CLDN16: variants seen among roughly 807,000 people sequenced by gnomAD.
CLDN16 encodes the protein claudin-16.
In CLDN16, 13 loss-of-function variants were observed where a neutral mutation model predicts 24.6. The observed-to-expected ratio is 0.53, with a 90% CI of 0.34 to 0.84. The LOEUF (loss-of-function observed/expected upper bound fraction) is 0.84. Among genes scored for constraint, CLDN16 ranks in the 40% least tolerant of loss-of-function variants. CLDN16 has a pLI of 0.01. For missense variants in CLDN16, 298 were observed against 292.7 expected, an observed-to-expected ratio of 1.02 and a Z score of -0.13; for synonymous variants, 116 against 106.7, an observed-to-expected ratio of 1.09 and a Z score of -0.54.
intron 1 of CLDN16, among the ~76,000 whole-genome samples, chr3:190,323,491 T>C (rs1296238893): frequency 6.6e-6 from 1 of 152,220 alleles, no homozygotes; most frequent in African/African-American, 2.4e-5. Context: ...TCTTTGTAGT[T>C]AGTCAGAAGT....
At chr3:190,360,116 C>A (rs1294388955) in intron 1 of CLDN16, among the ~76,000 whole-genome samples, 1 of 151,764 alleles carries the variant, frequency 6.6e-6, no homozygotes, top group Non-Finnish European at 1.5e-5. Flanking sequence ...GCAAAGTAGG[C>A]AAGAAACAAA....
chr3:190,349,977 C>T (rs539423210), intron 1 of CLDN16, among the ~76,000 whole-genome samples: 5 of 152,174 alleles, frequency 3.3e-5, no homozygotes, highest in South Asian at 2.1e-4. Context: ...CATTGAATTT[C>T]GGGTGGTTTG....
chr3:190,299,270 G>A, the CLDN16 span, among the ~76,000 whole-genome samples: 1 of 151,754 alleles, frequency 6.6e-6, no homozygotes, highest in African/African-American at 2.4e-5. Flanking sequence ...CATGAATTTA[G>A]CTTTTTTTTC....
At position 190,402,390 on chromosome 3, in the gene CLDN16, T is replaced by A. The variant is rs1055737562; in HGVS notation, c.168T>A (p.Asp56Glu). 3.1e-6 allele frequency: 5 copies of A among 1,613,984 alleles called. No individual in the cohort carries two copies. The highest frequency in any genetic ancestry group is 4.2e-6 in the Non-Finnish European group (5 of 1,180,030). The change falls in exon 2 of 5, where the codon GAT becomes GAA. Residue 56 changes from aspartate to glutamate, a missense_variant. By Grantham distance (45) the Asp-to-Glu change is conservative (BLOSUM62 2). Transcript: ENST00000264734. ...GGGAATGCGTCACAAATGCTTTTGATGGGATTCGCACCTGTGATGAGTACG... is the reference window on the plus strand; with the variant it reads ...GGGAATGCGTCACAAATGCTTTTGAAGGGATTCGCACCTGTGATGAGTACG... Reference protein sequence around the residue: ...LWWECVTNAFDGIRTCDEYDS... With the variant: ...LWWECVTNAFEGIRTCDEYDS...
Position 190,411,772 on chromosome 3 carries a change from A to G in CLDN16, c.*1736A>G, listed in dbSNP as rs1194958915. 1 of 152,170 alleles carries G rather than the reference A, an allele frequency of 6.6e-6. No homozygotes were observed. The highest frequency in any genetic ancestry group is 2.4e-5 in the African/African-American group (1 of 41,462). 9.4% of individuals were successfully genotyped at this position (152,170 alleles called of 1,614,324 possible). A position where few individuals can be genotyped will look rare whatever the true frequency, so the allele number is the denominator to read the frequency against. ...AGAATTAACAGCAATTGATTTAACT[A>G]TCTCATTTTTATTAACTGTAATTTA... is the stretch of plus-strand genomic sequence containing the variant. On this transcript the variant is annotated 3_prime_UTR_variant, in exon 5 of 5. Coordinates refer to ENST00000264734, the MANE Select transcript of CLDN16 (RefSeq NM_006580.4).
At chr3:190,318,231 A>T (rs1716821244), upstream of CLDN16, among the ~76,000 whole-genome samples, 1 of 152,228 alleles carries the variant, frequency 6.6e-6, no homozygotes, top group Non-Finnish European at 1.5e-5. Context: ...GGATGTCCTC[A>T]GAAGTTTTGC....
chr3:190,325,689 A>G (rs1717046116), intron 1 of CLDN16, among the ~76,000 whole-genome samples: 1 of 152,192 alleles, frequency 6.6e-6, no homozygotes, highest in Non-Finnish European at 1.5e-5. Context: ...AGCCTCTAAG[A>G]GGCAGCATGG....
chr3:190,296,610 T>C, the CLDN16 span, among the ~76,000 whole-genome samples: 1 of 148,408 alleles, frequency 6.7e-6, no homozygotes, highest in Non-Finnish European at 1.5e-5. Context: ...AGTGCAGTGG[T>C]GCCATCTCGG....
chr3:190,370,653 A>G (rs1307602721), intron 1 of CLDN16, among the ~76,000 whole-genome samples: 3 of 151,922 alleles, frequency 2.0e-5, no homozygotes, highest in Non-Finnish European at 4.4e-5. Context: ...GATGGTTAAT[A>G]CTGAGTGTCA....
At chr3:190,343,782 A>G (rs1717489454) in intron 1 of CLDN16, among the ~76,000 whole-genome samples, 1 of 152,096 alleles carries the variant, frequency 6.6e-6, no homozygotes, top group Admixed American at 6.6e-5. Flanking sequence ...ATAAAAAGAG[A>G]TAGAAAATAA....
At chr3:190,376,354 T>C (rs1244862011) in intron 3 of CLDN16, among the ~76,000 whole-genome samples, 1 of 151,696 alleles carries the variant, frequency 6.6e-6, no homozygotes, top group East Asian at 1.9e-4. Flanking sequence ...AAATGAAAGG[T>C]ATGTTGATGA....
upstream of CLDN16, among the ~76,000 whole-genome samples, chr3:190,320,995 T>C (rs1386229472): frequency 1.3e-5 from 2 of 152,214 alleles, no homozygotes; most frequent in African/African-American, 4.8e-5. Context: ...CCTATTATCC[T>C]TCTTCCCACC....
intron 4 of CLDN16, 30 bp downstream of exon 4, chr3:190,408,535 T>C: frequency 6.3e-7 from 1 of 1,590,486 alleles, no homozygotes; most frequent in Non-Finnish European, 8.6e-7. Context: ...GCAAATTTCC[T>C]TGCCTCCACT....
At chr3:190,349,982 G>C (rs952728649) in intron 1 of CLDN16, among the ~76,000 whole-genome samples, 3 of 152,058 alleles carry the variant, frequency 2.0e-5, no homozygotes, top group African/African-American at 4.8e-5. Context: ...AATTTCGGGT[G>C]GTTTGGTACA....
At chr3:190,311,459 C>A in the CLDN16 span, among the ~76,000 whole-genome samples, 1 of 152,298 alleles carries the variant, frequency 6.6e-6, no homozygotes, top group African/African-American at 2.4e-5. Context: ...GCCACAGATA[C>A]TCTTCCTCAA....
chr3:190,393,913 G>C (rs1718749717), intron 1 of CLDN16, among the ~76,000 whole-genome samples: 1 of 151,734 alleles, frequency 6.6e-6, no homozygotes, highest in African/African-American at 2.4e-5. Flanking sequence ...ACCACACCCG[G>C]CTAATTTTTT....
upstream of CLDN16, among the ~76,000 whole-genome samples, chr3:190,320,421 A>G (rs1716888555): frequency 6.6e-6 from 1 of 152,176 alleles, no homozygotes; most frequent in Non-Finnish European, 1.5e-5. Context: ...GAGAAATTCA[A>G]TAATTATTAC....
chr3:190,366,432 T>A lies in CLDN16; in HGVS notation n.122-4461T>A, dbSNP rs147374867. ...GTAGGTGATCTAACTTTTTAAAAAA[T>A]CCCATTTTAAAGATTGTATCTTAGG... On this transcript the variant is annotated intron_variant and non_coding_transcript_variant, in intron 1 of 4. Transcript: ENST00000468220. 2.2e-3 allele frequency among the ~76,000 whole-genome samples: 340 copies of A among 151,926 alleles called. 2 individuals carry two copies. Among genetic ancestry groups the A allele is most frequent in the African/African-American group, 7.7e-3 (318 of 41,484 alleles).
Position 190,343,909 on chromosome 3 carries a change from A to G in CLDN16, n.121+21248A>G, listed in dbSNP as rs188774430. On this transcript the variant is annotated intron_variant and non_coding_transcript_variant, in intron 1 of 4. Transcript: ENST00000468220. ...AAGATCTAATGTACAAATAGAGACT[A>G]CAGTAAATAATAATGTACTGTAGTC... is the stretch of plus-strand genomic sequence containing the variant. Among the ~76,000 whole-genome samples, 36 of 152,218 alleles carry G rather than the reference A, an allele frequency of 2.4e-4. 1 individual carries two copies. Among genetic ancestry groups the G allele is most frequent in the Admixed American group, 4.6e-4 (7 of 15,282 alleles).
Sources: gnomAD v4.1 joint callset for allele counts (sites outside exome capture counted in the v4.1 genomes callset) on GRCh38, gnomAD v4.1.1 for gene constraint, MANE v1.5 for transcripts, NCBI Gene and HGNC (gene_info 2026-07-23, HGNC 2026-07-21) for gene names.